GRIA4: variants seen among roughly 807,000 people sequenced by gnomAD.
GRIA4 encodes glutamate receptor 4.
In GRIA4, 34 loss-of-function variants were observed where a neutral mutation model predicts 104.0. The ratio of observed to expected loss-of-function variants is 0.33; its 90% CI spans 0.25 to 0.44. GRIA4 has a LOEUF of 0.44. Among genes scored for constraint, GRIA4 ranks in the 20% least tolerant of loss-of-function variants. The probability of loss-of-function intolerance (pLI) is 1.00; values close to 1 mark genes in which losing one functional copy is unlikely to be tolerated. For synonymous variants in GRIA4, 386 were observed against 381.9 expected, an observed-to-expected ratio of 1.01 and a Z score of -0.13; for missense variants, 750 against 1,096.5, an observed-to-expected ratio of 0.68 and a Z score of 4.46.
At chr11:105,905,448 C>T in intron 9 of GRIA4, 147 bp downstream of exon 9, 1 of 582,218 alleles carries the variant, frequency 1.7e-6, no homozygotes, top group Non-Finnish European at 3.1e-6. Context: ...ATAATCAATG[C>T]TGTGATAAAT....
intron 4 of GRIA4, among the ~76,000 whole-genome samples, chr11:105,854,831 C>T (rs1944952695): frequency 6.6e-6 from 1 of 152,092 alleles, no homozygotes; most frequent in African/African-American, 2.4e-5. Flanking sequence ...GGTGAAAAGT[C>T]CCTAAGCTGG....
intron 14 of GRIA4, among the ~76,000 whole-genome samples, chr11:105,946,090 G>A (rs1249035387): frequency 6.6e-6 from 1 of 152,104 alleles, no homozygotes; most frequent in East Asian, 1.9e-4. Context: ...AGGAAAGGGA[G>A]GAAATATTGT....
chr11:105,861,875 A>C (rs1945237323), intron 4 of GRIA4, 149 bp from the exon 5 acceptor site: 1 of 589,656 alleles, frequency 1.7e-6, no homozygotes, highest in South Asian at 2.2e-5. Flanking sequence ...AGTAAGAATA[A>C]ATTATTCAGA....
intron 3 of GRIA4, among the ~76,000 whole-genome samples, chr11:105,656,613 C>T (rs1248651075): frequency 1.3e-5 from 2 of 152,036 alleles, no homozygotes; most frequent in Non-Finnish European, 2.9e-5. Context: ...AAAAAATTTG[C>T]AATCTATTTA....
chr11:105,657,387 T>TA (rs1402410847), intron 3 of GRIA4, among the ~76,000 whole-genome samples: 1 of 151,910 alleles, frequency 6.6e-6, no homozygotes. Flanking sequence ...AAAATAATCA[T>TA]AAAAAACTCT....
chr11:105,656,339 CCCCT>C (rs1951845464), intron 3 of GRIA4, among the ~76,000 whole-genome samples: 2 of 151,866 alleles, frequency 1.3e-5, no homozygotes, highest in African/African-American at 4.8e-5. Context: ...TGAAACTGGA[CCCCT>C]CCCTTACACC....
chr11:105,904,131 A>G, intron 8 of GRIA4, 150 bp downstream of exon 8: 1 of 611,776 alleles, frequency 1.6e-6, no homozygotes. Flanking sequence ...ATTTCTACAT[A>G]AAATACAAGG....
In GRIA4 at chr11:105,641,771, G is replaced by A. The variant is rs143096399; in HGVS notation, c.247+29337G>A. Among the ~76,000 whole-genome samples the A allele has an allele frequency of 4.8e-3, 734 of 152,292 alleles. 6 individuals carry two copies. In the Middle Eastern group the frequency reaches 0.054, roughly 11 times the overall value. ...TACTAGGCCCAAAGCAGTGTTACTA[G>A]TAGTCTATTTCTTACAGCATACAAA... is the stretch of plus-strand genomic sequence containing the variant. On this transcript the variant is annotated intron_variant, in intron 3 of 16. Coordinates refer to ENST00000282499, the MANE Select transcript of GRIA4 (RefSeq NM_000829.4).
chr11:105,858,321 T>C (rs1301199431), intron 4 of GRIA4, among the ~76,000 whole-genome samples: 2 of 152,140 alleles, frequency 1.3e-5, no homozygotes, highest in African/African-American at 4.8e-5. Context: ...ATCACATCTT[T>C]ATCTTTTGTT....
chr11:105,744,522 A>T (rs1435808568), intron 3 of GRIA4, among the ~76,000 whole-genome samples: 1 of 152,204 alleles, frequency 6.6e-6, no homozygotes, highest in East Asian at 1.9e-4. Flanking sequence ...TAGTAGTACT[A>T]ATACGGAGTG....
chr11:105,660,163 A>G (rs1191750943), intron 3 of GRIA4, among the ~76,000 whole-genome samples: 2 of 151,696 alleles, frequency 1.3e-5, no homozygotes, highest in Admixed American at 6.6e-5. Flanking sequence ...AAATATAAGC[A>G]CATAAAGATA....
intron 3 of GRIA4, among the ~76,000 whole-genome samples, chr11:105,640,067 T>G (rs1951316963): frequency 6.6e-6 from 1 of 151,924 alleles, no homozygotes; most frequent in East Asian, 1.9e-4. Flanking sequence ...TATGAAAGCA[T>G]CAACATTTAT....
At chr11:105,952,611 A>G (rs930932407) in intron 14 of GRIA4, among the ~76,000 whole-genome samples, 2 of 152,174 alleles carry the variant, frequency 1.3e-5, no homozygotes, top group African/African-American at 4.8e-5. Context: ...TCCAATGAAC[A>G]TGCAATTTAG....
At chr11:105,628,767 G>C (rs993278867) in intron 3 of GRIA4, among the ~76,000 whole-genome samples, 1 of 152,076 alleles carries the variant, frequency 6.6e-6, no homozygotes, top group Non-Finnish European at 1.5e-5. Context: ...GCTAATGATT[G>C]TATGTTATAA....
At chr11:105,802,632 C>G (rs549939836) in intron 4 of GRIA4, among the ~76,000 whole-genome samples, 115 of 151,936 alleles carry the variant, frequency 7.6e-4, no homozygotes, top group African/African-American at 2.6e-3. Flanking sequence ...CTGGATATTG[C>G]TTACTATTCA....
chr11:105,612,394 C>A lies in GRIA4; in HGVS notation c.207C>A (p.Asp69Glu). The A allele has an allele frequency of 6.2e-7, 1 of 1,614,056 alleles. No homozygotes were observed. The highest frequency in any genetic ancestry group is 8.5e-7 in the Non-Finnish European group (1 of 1,179,942). The change falls in exon 3 of 17, where the codon GAC becomes GAA. Residue 69 changes from aspartate to glutamate, a missense_variant. Asp to Glu is a conservative substitution (Grantham distance 45). Transcript: ENST00000282499. ...EAPFNLVPHVDNIETANSFAV... is the reference protein window; with the variant it reads ...EAPFNLVPHVENIETANSFAV... ...CTTTTAATTTGGTACCTCATGTGGA[C>A]AACATTGAGACAGCCAACAGTTTTG...
intron 5 of GRIA4, among the ~76,000 whole-genome samples, chr11:105,863,367 G>A (rs970463410): frequency 1.6e-4 from 24 of 150,734 alleles, no homozygotes; most frequent in Non-Finnish European, 2.5e-4. Context: ...ACTTCCTGTC[G>A]TCCCTTTGTA....
intron 3 of GRIA4, among the ~76,000 whole-genome samples, chr11:105,633,693 A>G (rs1482632809): frequency 6.6e-6 from 1 of 152,208 alleles, no homozygotes; most frequent in Non-Finnish European, 1.5e-5. Flanking sequence ...ACAGAAACAC[A>G]AATTCTACAT....
At chr11:105,826,900 A>G (rs576043589) in intron 4 of GRIA4, among the ~76,000 whole-genome samples, 1 of 152,164 alleles carries the variant, frequency 6.6e-6, no homozygotes, top group Non-Finnish European at 1.5e-5. Context: ...GTCAGCAACC[A>G]CCACCCCAGT....
Sources: gnomAD v4.1 joint callset for allele counts (sites outside exome capture counted in the v4.1 genomes callset) on GRCh38, gnomAD v4.1.1 for gene constraint, MANE v1.5 for transcripts, NCBI Gene and HGNC (gene_info 2026-07-23, HGNC 2026-07-21) for gene names.